DLGAP2: variants seen among roughly 807,000 people sequenced by gnomAD.
DLGAP2 encodes the protein DLG associated protein 2, also known as disks large-associated protein 2.
DLGAP2 carries 26 observed loss-of-function variants against 100.3 expected under a neutral mutation model. The ratio of observed to expected loss-of-function variants is 0.26; its 90% CI spans 0.19 to 0.36. The LOEUF is 0.36. Ranked by LOEUF, DLGAP2 falls within the 10% of genes least tolerant of loss-of-function variation. DLGAP2 has a pLI of 1.00. For missense variants in DLGAP2, 1,858 were observed against 1,453.2 expected (o/e 1.28, Z -4.53); for synonymous variants, 886 against 630.1 (o/e 1.41, Z -6.08).
chr8:987,539 G>C (rs534565240), intron 2 of DLGAP2, among the ~76,000 whole-genome samples: 1 of 152,170 alleles, frequency 6.6e-6, no homozygotes, highest in East Asian at 1.9e-4. Flanking sequence ...TCCAGCCTCT[G>C]TTGTTGAACT....
At chr8:1,018,472 A>G (rs1401635780) in intron 2 of DLGAP2, among the ~76,000 whole-genome samples, 4 of 152,236 alleles carry the variant, frequency 2.6e-5, no homozygotes, top group African/African-American at 2.4e-5. Context: ...AGTCACTGCC[A>G]GGCTCAGCCA....
chr8:1,688,060 A>T (rs1799159346), intron 12 of DLGAP2, among the ~76,000 whole-genome samples: 1 of 152,138 alleles, frequency 6.6e-6, no homozygotes, highest in Admixed American at 6.5e-5. Flanking sequence ...AGGAGCTTTC[A>T]CTGTCACCCC....
intron 2 of DLGAP2, among the ~76,000 whole-genome samples, chr8:1,117,001 A>C (rs1480319905): frequency 6.6e-6 from 1 of 152,170 alleles, no homozygotes; most frequent in Admixed American, 6.5e-5. Context: ...GAAAGCTGAA[A>C]AATAAACCCG....
intron 2 of DLGAP2, among the ~76,000 whole-genome samples, chr8:1,136,159 A>G (rs1191804707): frequency 6.6e-6 from 1 of 152,138 alleles, no homozygotes; most frequent in Non-Finnish European, 1.5e-5. Context: ...GGAATCTGGT[A>G]TTGCACTGTC....
At chr8:1,000,861 G>A (rs1318194771) in intron 2 of DLGAP2, among the ~76,000 whole-genome samples, 2 of 152,134 alleles carry the variant, frequency 1.3e-5, no homozygotes, top group African/African-American at 4.8e-5. Context: ...AGGTGTGGGG[G>A]GAGAGGAGAG....
chr8:806,797 T>A (rs1796278948), intron 1 of DLGAP2, among the ~76,000 whole-genome samples: 1 of 152,242 alleles, frequency 6.6e-6, no homozygotes, highest in Non-Finnish European at 1.5e-5. Flanking sequence ...GATGTCGCTC[T>A]TCTTATTAAA....
At chr8:1,060,476 C>T (rs1399850267) in intron 2 of DLGAP2, among the ~76,000 whole-genome samples, 3 of 151,474 alleles carry the variant, frequency 2.0e-5, no homozygotes, top group East Asian at 3.9e-4. Flanking sequence ...GACCCCTGCC[C>T]CTGCTTCACA....
intron 3 of DLGAP2, among the ~76,000 whole-genome samples, chr8:1,425,758 AAAAT>A (rs1487195879): frequency 1.3e-5 from 2 of 152,216 alleles, no homozygotes; most frequent in African/African-American, 4.8e-5. Context: ...CACCATTAAA[AAAAT>A]AAACCCACAG....
chr8:1,480,575 C>T (rs541913773), intron 3 of DLGAP2, among the ~76,000 whole-genome samples: 10 of 152,090 alleles, frequency 6.6e-5, no homozygotes, highest in Non-Finnish European at 1.2e-4. Context: ...ACAGGCTGGA[C>T]GCAGTGGCTC....
chr8:1,525,359 A>AT (rs1014052663), intron 4 of DLGAP2, among the ~76,000 whole-genome samples: 2 of 151,938 alleles, frequency 1.3e-5, no homozygotes, highest in South Asian at 4.2e-4. Context: ...TTTTAGTTGG[A>AT]TTTTTCTGAA....
chr8:874,826 T>C (rs1797660251), intron 1 of DLGAP2, among the ~76,000 whole-genome samples: 1 of 152,196 alleles, frequency 6.6e-6, no homozygotes, highest in South Asian at 2.1e-4. Context: ...AGTCTTCGGC[T>C]ATTGTTGAAC....
intron 2 of DLGAP2, among the ~76,000 whole-genome samples, chr8:996,069 CCACAA>C (rs1800775513): frequency 6.6e-6 from 1 of 152,176 alleles, no homozygotes; most frequent in South Asian, 2.1e-4. Context: ...AGAAATCCAA[CCACAA>C]CACCGTTTAA....
intron 1 of DLGAP2, among the ~76,000 whole-genome samples, chr8:844,036 G>C (rs1374272724): frequency 6.6e-6 from 1 of 152,152 alleles, no homozygotes; most frequent in Non-Finnish European, 1.5e-5. Flanking sequence ...AATAGTACCT[G>C]TTGCCAAAAA....
chr8:1,550,956 A>G (rs555850181), intron 5 of DLGAP2, among the ~76,000 whole-genome samples: 1 of 152,238 alleles, frequency 6.6e-6, no homozygotes, highest in Non-Finnish European at 1.5e-5. Flanking sequence ...GTAATGGGCC[A>G]TTGCTGGCTG....
chr8:1,020,643 C>G (rs1801600216), intron 2 of DLGAP2, among the ~76,000 whole-genome samples: 2 of 152,168 alleles, frequency 1.3e-5, no homozygotes, highest in African/African-American at 2.4e-5. Flanking sequence ...CACACTGGGA[C>G]CTGTGAGCAC....
intron 8 of DLGAP2, 102 bp downstream of exon 8, chr8:1,633,148 C>T: frequency 2.7e-6 from 3 of 1,117,240 alleles, no homozygotes; most frequent in South Asian, 1.4e-5. Flanking sequence ...GTACAATGTA[C>T]TCTCCTGACA....
chr8:1,308,761 A>G (rs79784939), intron 3 of DLGAP2, among the ~76,000 whole-genome samples: 25,261 of 152,192 alleles, frequency 0.17, 2,464 homozygotes, highest in African/African-American at 0.27. Context: ...CCGACCTCGG[A>G]TGATCTGCCC....
intron 12 of DLGAP2, among the ~76,000 whole-genome samples, chr8:1,682,947 T>G (rs1038712200): frequency 6.6e-6 from 1 of 151,606 alleles, no homozygotes; most frequent in Non-Finnish European, 1.5e-5. Flanking sequence ...GTTTTTTACC[T>G]TTTTTGAGCC....
intron 3 of DLGAP2, among the ~76,000 whole-genome samples, chr8:1,415,412 C>G (rs1206714273): frequency 6.6e-6 from 1 of 152,122 alleles, no homozygotes; most frequent in African/African-American, 2.4e-5. Context: ...ATCCCATCAC[C>G]CAGACACTGA....
Sources: allele counts gnomAD v4.1 joint callset (sites outside exome capture counted in the v4.1 genomes callset), GRCh38; gene constraint gnomAD v4.1.1; transcripts MANE v1.5; gene names NCBI Gene and HGNC (gene_info 2026-07-23, HGNC 2026-07-21).